Variants in PLEKHA7 observed in about 807,000 individuals in gnomAD.
PLEKHA7 encodes the protein pleckstrin homology domain-containing family A member 7.
PLEKHA7 carries 104 observed loss-of-function variants against 170.0 expected under a neutral mutation model. That is an observed-to-expected ratio of 0.61 (90% CI 0.52 to 0.72). PLEKHA7 has a LOEUF of 0.72. Ranked by LOEUF, PLEKHA7 falls within the 30% of genes least tolerant of loss-of-function variation. The pLI, the probability that PLEKHA7 is intolerant of heterozygous loss-of-function variation, is 0.00. For synonymous variants in PLEKHA7, 648 were observed against 660.8 expected (o/e 0.98, Z 0.30); for missense variants, 1,615 against 1,671.7 (o/e 0.97, Z 0.59).
At chr11:16,975,271 T>C (rs1253576075) in intron 3 of PLEKHA7, among the ~76,000 whole-genome samples, 1 of 152,216 alleles carries the variant, frequency 6.6e-6, no homozygotes, top group Non-Finnish European at 1.5e-5. Flanking sequence ...CTTTTGAGAC[T>C]AGCTTTTTTA....
intron 3 of PLEKHA7, among the ~76,000 whole-genome samples, chr11:16,934,561 T>C (rs1469112788): frequency 6.6e-6 from 1 of 152,094 alleles, no homozygotes; most frequent in East Asian, 1.9e-4. Flanking sequence ...GCTTTTTACC[T>C]AAACAGAAAC....
chr11:16,974,096 A>C (rs746146311), intron 3 of PLEKHA7, among the ~76,000 whole-genome samples: 26 of 152,136 alleles, frequency 1.7e-4, no homozygotes, highest in Non-Finnish European at 2.8e-4. Context: ...GACTCACTTA[A>C]AAATTTTAAA....
chr11:16,925,395 G>A (rs117641986), intron 3 of PLEKHA7, among the ~76,000 whole-genome samples: 3,039 of 152,256 alleles, frequency 0.02, 46 homozygotes, highest in Non-Finnish European at 0.033. Flanking sequence ...CTCATGGCTG[G>A]CCGGGGACTA....
chr11:16,897,639 G>A (rs187910768), intron 3 of PLEKHA7, among the ~76,000 whole-genome samples: 3 of 152,162 alleles, frequency 2.0e-5, no homozygotes, highest in Admixed American at 1.3e-4. Context: ...AAGCTATCCC[G>A]CTGTGCCACG....
chr11:16,837,259 G>A (rs1056687294), intron 9 of PLEKHA7, among the ~76,000 whole-genome samples: 1 of 152,166 alleles, frequency 6.6e-6, no homozygotes, highest in Non-Finnish European at 1.5e-5. Flanking sequence ...CTGAGACTAG[G>A]GAAAGGGGAG....
In PLEKHA7 at chr11:16,806,449, T is replaced by C. The variant is rs1297327543; in HGVS notation, c.2008-3154A>G. Among the ~76,000 whole-genome samples the C allele has an allele frequency of 2.0e-5, 3 of 152,196 alleles. No individual in the cohort carries two copies. In the East Asian group the frequency reaches 5.8e-4, roughly 29 times the overall value. ...AAAAGTAAAAGTCTGTGGGTGCTCA[T>C]CCATTTGAAAGAGTCTCTCCATCAG... On this transcript the variant is annotated intron_variant, in intron 13 of 26. Coordinates refer to ENST00000531066, the MANE Select transcript of PLEKHA7 (RefSeq NM_001329630.2).
At chr11:16,992,525 G>A (rs1213979114) in intron 3 of PLEKHA7, among the ~76,000 whole-genome samples, 2 of 152,206 alleles carry the variant, frequency 1.3e-5, no homozygotes, top group Non-Finnish European at 2.9e-5. Flanking sequence ...GGAGGCCGAG[G>A]CAGGAGGATC....
intron 4 of PLEKHA7, among the ~76,000 whole-genome samples, chr11:16,868,853 A>T (rs1216924625): frequency 6.6e-6 from 1 of 152,238 alleles, no homozygotes; most frequent in Non-Finnish European, 1.5e-5. Context: ...TCTGAAGAGA[A>T]GTGGTCAGTA....
intron 10 of PLEKHA7, among the ~76,000 whole-genome samples, chr11:16,822,967 G>A (rs1381354341): frequency 6.6e-6 from 1 of 150,462 alleles, no homozygotes; most frequent in East Asian, 1.9e-4. Context: ...ATCACCTAGG[G>A]AGTTGTATGT....
At chr11:16,852,218 C>A in intron 7 of PLEKHA7, 65 bp downstream of exon 7, 1 of 1,447,050 alleles carries the variant, frequency 6.9e-7, no homozygotes, top group South Asian at 1.2e-5. Context: ...AACCTGAAGT[C>A]ACCAACCATC....
At chr11:16,822,531 AG>A in intron 10 of PLEKHA7, among the ~76,000 whole-genome samples, 1 of 150,438 alleles carries the variant, frequency 6.6e-6, no homozygotes, top group Admixed American at 6.6e-5. Context: ...AAAAAAGGAA[AG>A]AAGGCACCAC....
intron 3 of PLEKHA7, among the ~76,000 whole-genome samples, chr11:16,931,099 T>A (rs1018259014): frequency 1.3e-5 from 2 of 152,240 alleles, no homozygotes; most frequent in Non-Finnish European, 2.9e-5. Context: ...AATAGCTTTA[T>A]TGATTTTTTA....
intron 4 of PLEKHA7, among the ~76,000 whole-genome samples, chr11:16,868,900 T>C (rs1854608328): frequency 6.6e-6 from 1 of 152,176 alleles, no homozygotes; most frequent in East Asian, 1.9e-4. Context: ...GCAAAAGGAA[T>C]TGTGTGTGAC....
intron 9 of PLEKHA7, 29 bp from the exon 10 acceptor site, chr11:16,826,619 C>T: frequency 1.3e-6 from 2 of 1,581,294 alleles, no homozygotes; most frequent in Non-Finnish European, 1.7e-6. Context: ...ATTCAGTTTG[C>T]TCCACAGCCA....
chr11:16,794,594 C>A lies in PLEKHA7; in HGVS notation c.2639G>T (p.Arg880Leu). The A allele has an allele frequency of 6.2e-7, 1 of 1,613,134 alleles. No individual in the cohort carries two copies. The highest frequency in any genetic ancestry group is 1.6e-4 in the Middle Eastern group (1 of 6,062). ...TSPVRTPLEV[R>L]LFPQLQTYVP... ...GTAGGTTTGCAGCTGGGGGAAGAGT[C>A]GAACCTCCAGAGGGGTCCGCACAGG... Residue 880 changes from arginine (R) to leucine (L), a missense_variant, in exon 19 of 27, where the codon CGA becomes CTA. Transcript: ENST00000531066.
At chr11:16,801,206 GGA>G in intron 16 of PLEKHA7, 131 bp from the exon 17 acceptor site, 22 of 770,120 alleles carry the variant, frequency 2.9e-5, no homozygotes, top group Admixed American at 8.0e-5. Flanking sequence ...AGGCCTGGTG[GGA>G]GAGAGAGAGG....
At chr11:16,887,691 CA>C (rs1182416706) in intron 3 of PLEKHA7, among the ~76,000 whole-genome samples, 1 of 152,226 alleles carries the variant, frequency 6.6e-6, no homozygotes, top group Non-Finnish European at 1.5e-5. Flanking sequence ...CTCGTTCACT[CA>C]ATGCTCAATG....
intron 3 of PLEKHA7, among the ~76,000 whole-genome samples, chr11:16,884,769 A>G (rs1855955772): frequency 6.6e-6 from 1 of 152,226 alleles, no homozygotes; most frequent in African/African-American, 2.4e-5. Context: ...GCAGTCCTCA[A>G]CACTCCCTGC....
At chr11:16,986,889 C>A (rs1444964712) in intron 3 of PLEKHA7, among the ~76,000 whole-genome samples, 1 of 152,140 alleles carries the variant, frequency 6.6e-6, no homozygotes, top group Admixed American at 6.5e-5. Context: ...AGGGGCAGGC[C>A]GAGCCCCTGC....
Sources: allele counts gnomAD v4.1 joint callset (sites outside exome capture counted in the v4.1 genomes callset), GRCh38; gene constraint gnomAD v4.1.1; transcripts MANE v1.5; gene names NCBI Gene and HGNC (gene_info 2026-07-23, HGNC 2026-07-21).